PSD3: variants seen among roughly 807,000 people sequenced by gnomAD.
The protein encoded by PSD3 is pleckstrin and Sec7 domain containing 3, also known as PH and SEC7 domain-containing protein 3.
A neutral mutation model predicts 105.5 loss-of-function variants in PSD3; 49 were observed. The ratio of observed to expected loss-of-function variants is 0.46; its 90% CI spans 0.37 to 0.59. The LOEUF (loss-of-function observed/expected upper bound fraction) is 0.59, where lower values mean the gene tolerates loss of function less well. PSD3 is among the 20% of genes least tolerant of loss of function. PSD3 has a pLI of 0.00. For synonymous variants in PSD3, 557 were observed against 457.8 expected (o/e 1.22, Z -2.77); for missense variants, 1,561 against 1,263.8 (o/e 1.24, Z -3.57).
At chr8:18,583,319 C>T (rs968262600) in intron 12 of PSD3, among the ~76,000 whole-genome samples, 1 of 152,104 alleles carries the variant, frequency 6.6e-6, no homozygotes, top group Non-Finnish European at 1.5e-5. Flanking sequence ...GTCCCAGCTA[C>T]TCAGGGGGCT....
intron 2 of PSD3, among the ~76,000 whole-genome samples, chr8:18,879,573 GATC>G (rs1167091878): frequency 1.3e-5 from 2 of 152,050 alleles, no homozygotes; most frequent in African/African-American, 2.4e-5. Context: ...AACCGTGAGA[GATC>G]ATCATTCATC....
chr8:18,589,735 A>T (rs755819678), intron 12 of PSD3, among the ~76,000 whole-genome samples: 22 of 152,198 alleles, frequency 1.4e-4, no homozygotes, highest in Non-Finnish European at 2.5e-4. Flanking sequence ...GAAATGAGCC[A>T]AGGAGATGGG....
At chr8:18,609,339 T>C (rs1053125685) in intron 11 of PSD3, among the ~76,000 whole-genome samples, 1 of 152,172 alleles carries the variant, frequency 6.6e-6, no homozygotes, top group Non-Finnish European at 1.5e-5. Context: ...TAATGCAAAA[T>C]ATCTTGAATT....
chr8:18,810,359 A>G (rs945386882), intron 4 of PSD3, among the ~76,000 whole-genome samples: 12 of 152,176 alleles, frequency 7.9e-5, no homozygotes, highest in Admixed American at 7.9e-4. Context: ...GGTATGTGGC[A>G]CTAATTTTCC....
chr8:18,703,816 A>T (rs1801729993), intron 9 of PSD3, among the ~76,000 whole-genome samples: 1 of 152,240 alleles, frequency 6.6e-6, no homozygotes, highest in Non-Finnish European at 1.5e-5. Flanking sequence ...AAATGGATAC[A>T]GCTGAATCTC....
Position 18,872,683 on chromosome 8 carries a change from G to C in PSD3, c.181C>G (p.Pro61Ala). The stretch of plus-strand genomic sequence containing the variant: ...CCTTCCTCCATGGTCCCATATTCTG[G>C]AAATTCATTTGTGACATTTGGTGGG... ...LLPPNVTNEF[P>A]EYGTMEEGGE... The change falls in exon 3 of 16, where the codon CCA (proline) becomes GCA (alanine). Residue 61 changes from proline (P) to alanine (A), a missense_variant. Coordinates refer to ENST00000327040, the MANE Select transcript of PSD3 (RefSeq NM_015310.4). 6.3e-7 allele frequency: 1 copy of C among 1,592,192 alleles called. No individual in the cohort carries two copies.
intron 4 of PSD3, among the ~76,000 whole-genome samples, chr8:18,832,797 G>A (rs931298110): frequency 6.6e-6 from 1 of 152,148 alleles, no homozygotes; most frequent in Admixed American, 6.5e-5. Context: ...AGGTGCAGGG[G>A]AACTGCCCTT....
chr8:19,035,803 G>A lies in PSD3; in HGVS notation c.324+48403C>T, dbSNP rs374523246. ...TGGATTTCACTCTTTTGCCCAGCCT[G>A]GAGTGCTATGACCCGATCTCAGCTC... is the stretch of plus-strand genomic sequence containing the variant. On this transcript the variant is annotated intron_variant, in intron 1 of 1. Transcript: ENST00000521475. 3.4e-4 allele frequency among the ~76,000 whole-genome samples: 52 copies of A among 152,172 alleles called. 1 individual carries two copies. Among genetic ancestry groups the A allele is most frequent in the African/African-American group, 1.2e-3 (50 of 41,524 alleles).
At chr8:18,676,346 A>G (rs747998963) in intron 9 of PSD3, among the ~76,000 whole-genome samples, 1 of 152,186 alleles carries the variant, frequency 6.6e-6, no homozygotes, top group African/African-American at 2.4e-5. Flanking sequence ...GTTAGAGATG[A>G]CACAACAGGA....
At chr8:18,797,097 G>A (rs1184069326) in intron 8 of PSD3, among the ~76,000 whole-genome samples, 1 of 152,016 alleles carries the variant, frequency 6.6e-6, no homozygotes, top group Non-Finnish European at 1.5e-5. Flanking sequence ...AATGAATCCA[G>A]AGGAGAAAGA....
At chr8:18,931,944 T>C (rs959522843) in intron 2 of PSD3, among the ~76,000 whole-genome samples, 1 of 152,216 alleles carries the variant, frequency 6.6e-6, no homozygotes, top group Non-Finnish European at 1.5e-5. Flanking sequence ...CAGAGGAGCC[T>C]GGATCATGGT....
chr8:18,847,954 G>T (rs1286633836), intron 4 of PSD3, among the ~76,000 whole-genome samples: 1 of 152,254 alleles, frequency 6.6e-6, no homozygotes, highest in African/African-American at 2.4e-5. Flanking sequence ...AATATTCAGG[G>T]AAGAAAAAGA....
chr8:18,938,192 G>C (rs61311208), intron 1 of PSD3, among the ~76,000 whole-genome samples: 44,611 of 152,152 alleles, frequency 0.29, 8,277 homozygotes, highest in Non-Finnish European at 0.42. Flanking sequence ...ATTGGAGTGA[G>C]ACAAGAAGCA....
At chr8:19,025,336 G>A (rs1156629586) in intron 1 of PSD3, among the ~76,000 whole-genome samples, 1 of 152,070 alleles carries the variant, frequency 6.6e-6, no homozygotes, top group Admixed American at 6.6e-5. Context: ...CTTGGTTAAA[G>A]AAACCCATAA....
chr8:19,083,461 G>C (rs1415975061), intron 1 of PSD3, among the ~76,000 whole-genome samples: 2 of 152,204 alleles, frequency 1.3e-5, no homozygotes, highest in Non-Finnish European at 2.9e-5. Flanking sequence ...AGCTGGAAAA[G>C]ACCTTGGAGG....
intron 9 of PSD3, among the ~76,000 whole-genome samples, chr8:18,741,432 T>C (rs965701229): frequency 6.6e-6 from 1 of 152,206 alleles, no homozygotes; most frequent in Non-Finnish European, 1.5e-5. Flanking sequence ...ATCTCAACTT[T>C]ACAACAGTGG....
rs1266807295 is a variant in PSD3 at position 18,872,342 on chromosome 8, G to A, written c.522C>T (p.Asp174=). 1.9e-6 allele frequency: 3 copies of A among 1,614,058 alleles called. No homozygotes were observed. The highest frequency in any genetic ancestry group is 2.2e-5 in the East Asian group (1 of 44,902). The change falls in exon 3 of 16, where the codon GAC becomes GAT. Residue 174 remains aspartate, a synonymous_variant. Transcript: ENST00000327040. ...FSVQQVEKEL[D]TASRKTQRVN... The stretch of plus-strand genomic sequence containing the variant: ...CTCTCTGTGTTTTACGACTGGCAGT[G>A]TCCAGCTCTTTTTCCACCTGCTGAA...
intron 11 of PSD3, among the ~76,000 whole-genome samples, chr8:18,614,084 C>A (rs535316636): frequency 3.3e-5 from 5 of 152,202 alleles, no homozygotes; most frequent in Non-Finnish European, 2.9e-5. Flanking sequence ...TACTGCATTG[C>A]GGTCTGGTTT....
rs530617782 is a variant in PSD3 at position 19,023,466 on chromosome 8, T to C, written c.324+60740A>G. On this transcript the variant is annotated intron_variant, in intron 1 of 1. Coordinates refer to the PSD3 transcript ENST00000521475. ...TCTTTAGAGACAGGGTCTTGCTCTG[T>C]CACCCAGGCTGTAGGGCTGTGGTGC... is the stretch of plus-strand genomic sequence containing the variant. 4.0e-4 allele frequency among the ~76,000 whole-genome samples: 61 copies of C among 152,122 alleles called. No individual in the cohort carries two copies. The South Asian group carries it at 0.012, about 30-fold the overall frequency.
Sources: gnomAD v4.1 joint callset for allele counts (sites outside exome capture counted in the v4.1 genomes callset) on GRCh38, gnomAD v4.1.1 for gene constraint, MANE v1.5 for transcripts, NCBI Gene and HGNC (gene_info 2026-07-23, HGNC 2026-07-21) for gene names.